Variants in ELP1 observed in about 807,000 individuals in gnomAD.
ELP1 encodes elongator complex protein 1.
A neutral mutation model predicts 183.2 loss-of-function variants in ELP1; 131 were observed. The observed-to-expected ratio is 0.72, with a 90% CI of 0.62 to 0.83. The LOEUF (loss-of-function observed/expected upper bound fraction) is 0.83. ELP1 is among the 40% of genes least tolerant of loss of function. The probability of loss-of-function intolerance (pLI) is 0.00; values close to 1 mark genes in which losing one functional copy is unlikely to be tolerated. For missense variants in ELP1, 1,550 were observed against 1,594.9 expected, an observed-to-expected ratio of 0.97 and a Z score of 0.48; for synonymous variants, 555 against 569.0, an observed-to-expected ratio of 0.98 and a Z score of 0.35.
intron 10 of ELP1, among the ~76,000 whole-genome samples, chr9:108,915,571 C>T (rs1247980872): frequency 1.3e-5 from 2 of 152,176 alleles, no homozygotes; most frequent in East Asian, 1.9e-4. Flanking sequence ...GCCTGCCAAC[C>T]TGCCCCCACA....
Position 108,917,535 on chromosome 9 carries a change from T to G in ELP1, c.864+12A>C, listed in dbSNP as rs1438054989. 6.2e-7 allele frequency: 1 copy of G among 1,611,576 alleles called. No individual in the cohort carries two copies. Among genetic ancestry groups the G allele is most frequent in the Non-Finnish European group, 8.5e-7 (1 of 1,178,462 alleles). On this transcript the variant is annotated intron_variant, in intron 9 of 36. Coordinates refer to ENST00000374647, the MANE Select transcript of ELP1 (RefSeq NM_003640.5). ...CTCTACATTCGAGGGTGAAACAAAC[T>G]CAGGCACTTACCTTAACCTCATCTT...
intron 5 of ELP1, among the ~76,000 whole-genome samples, chr9:108,925,380 CA>C: frequency 6.6e-6 from 1 of 152,202 alleles, no homozygotes; most frequent in East Asian, 1.9e-4. Flanking sequence ...GAGTAACCCA[CA>C]ATGTTTCTAT....
intron 29 of ELP1, among the ~76,000 whole-genome samples, chr9:108,884,354 G>A (rs963526685): frequency 6.6e-6 from 1 of 152,018 alleles, no homozygotes; most frequent in African/African-American, 2.4e-5. Context: ...CAAGTAGTGA[G>A]GAAATCAATA....
At chr9:108,886,397 C>T (rs187239441) in intron 29 of ELP1, among the ~76,000 whole-genome samples, 153 of 152,268 alleles carry the variant, frequency 1.0e-3, no homozygotes, top group African/African-American at 3.3e-3. Flanking sequence ...CAATATCCCT[C>T]ATGAACACAA....
At chr9:108,872,798 C>CT (rs1169415021) in intron 36 of ELP1, among the ~76,000 whole-genome samples, 1 of 79,246 alleles carries the variant, frequency 1.3e-5, no homozygotes, top group African/African-American at 7.8e-5. Flanking sequence ...GAGCAAGACT[C>CT]TGTCTGAAAA....
chr9:108,880,722 C>T (rs990077009), intron 31 of ELP1, among the ~76,000 whole-genome samples: 1 of 152,128 alleles, frequency 6.6e-6, no homozygotes, highest in Non-Finnish European at 1.5e-5. Flanking sequence ...GAATTATCGG[C>T]ATTTATCTAA....
At chr9:108,900,908 G>A (rs1258069366) in intron 18 of ELP1, among the ~76,000 whole-genome samples, 6 of 45,306 alleles carry the variant, frequency 1.3e-4, no homozygotes, top group African/African-American at 4.0e-4. Context: ...ACACATACAC[G>A]CCACACACAC....
At chr9:108,922,028 C>T (rs1474224116) in intron 6 of ELP1, among the ~76,000 whole-genome samples, 3 of 152,132 alleles carry the variant, frequency 2.0e-5, no homozygotes, top group Non-Finnish European at 4.4e-5. Flanking sequence ...GCCAAGGTCT[C>T]ATAGCTTCTA....
intron 3 of ELP1, 51 bp downstream of exon 3, chr9:108,929,718 A>C: frequency 6.4e-7 from 1 of 1,571,572 alleles, no homozygotes; most frequent in Non-Finnish European, 8.8e-7. Context: ...ATAGCAAGTA[A>C]CCTATTTGAG....
chr9:108,898,619 T>C (rs368227902), intron 21 of ELP1, 38 bp from the exon 22 acceptor site: 3 of 1,600,710 alleles, frequency 1.9e-6, no homozygotes, highest in African/African-American at 2.7e-5. Context: ...GTTCAGATCA[T>C]ATTAGTTTAA....
intron 22 of ELP1, 126 bp from the exon 23 acceptor site, chr9:108,897,411 A>T (rs547804905): frequency 1.0e-6 from 1 of 975,988 alleles, no homozygotes; most frequent in African/African-American, 1.6e-5. Flanking sequence ...GTTGAATTAT[A>T]AAAATATTGA....
chr9:108,887,710 T>C (rs528975922), intron 29 of ELP1, among the ~76,000 whole-genome samples: 2 of 152,156 alleles, frequency 1.3e-5, no homozygotes, highest in South Asian at 2.1e-4. Flanking sequence ...ATTGAAAAAG[T>C]GGGATAATAG....
At chr9:108,873,842 A>G (rs1027799032) in intron 36 of ELP1, among the ~76,000 whole-genome samples, 3 of 152,292 alleles carry the variant, frequency 2.0e-5, no homozygotes, top group Non-Finnish European at 4.4e-5. Context: ...GCAACATATT[A>G]AGACCCCATC....
chr9:108,874,898 G>A lies in ELP1; in HGVS notation c.3928C>T (p.Leu1310Phe). Residue 1310 changes from leucine (L) to phenylalanine (F), a missense_variant, in exon 36 of 37, where the codon CTT becomes TTT. Coordinates refer to ENST00000374647, the MANE Select transcript of ELP1 (RefSeq NM_003640.5). ...YQQQKTSVPV[L>F]DAELFIPPKI... The stretch of plus-strand genomic sequence containing the variant: ...TTAAATGAGAAAAAATACTAACCAA[G>A]AACAGGAACCGAAGTCTTCTGTTGC... 1 of 1,602,070 alleles carries A rather than the reference G, an allele frequency of 6.2e-7. No homozygotes were observed. The highest frequency in any genetic ancestry group is 1.7e-5 in the Admixed American group (1 of 60,006).
At chr9:108,901,710 G>C (rs1180347443) in intron 16 of ELP1, 29 bp from the exon 17 acceptor site, 1 of 1,607,386 alleles carries the variant, frequency 6.2e-7, no homozygotes, top group Admixed American at 1.7e-5. Context: ...GAAATCACAA[G>C]CAATTCTATC....
intron 10 of ELP1, among the ~76,000 whole-genome samples, chr9:108,913,718 G>A (rs1386461085): frequency 1.3e-5 from 2 of 151,992 alleles, no homozygotes; most frequent in Non-Finnish European, 2.9e-5. Context: ...CTCAATCTCG[G>A]CTCACGGCAA....
rs1827644596 is a variant in ELP1, at chr9:108,874,932, T to C, written c.3894A>G (p.Ala1298=). The change falls in exon 36 of 37, where the codon GCA becomes GCG. Residue 1298 remains alanine (A), a synonymous_variant. Coordinates refer to ENST00000374647, the MANE Select transcript of ELP1 (RefSeq NM_003640.5). ...GPNSTANSIM[A]SYQQQKTSVP... is the part of the protein sequence containing the mutation. ...CCGAAGTCTTCTGTTGCTGATAAGA[T>C]GCCATGATACTATTTGCAGTAGAAT... The C allele has an allele frequency of 2.5e-6, 4 of 1,612,986 alleles. No individual in the cohort carries two copies. In the Middle Eastern group the frequency reaches 4.9e-4, roughly 200 times the overall value.
chr9:108,870,328 T>C (rs947199143), intron 36 of ELP1, among the ~76,000 whole-genome samples: 7 of 152,220 alleles, frequency 4.6e-5, no homozygotes, highest in Admixed American at 1.3e-4. Context: ...CGGCAGTGTA[T>C]TGGCAGCATA....
rs775117814 is a variant in ELP1 at position 108,892,967 on chromosome 9, A to C, written c.2958+19T>G. 6.3e-7 allele frequency: 1 copy of C among 1,584,778 alleles called. No homozygotes were observed. The highest frequency in any genetic ancestry group is 1.1e-5 in the South Asian group (1 of 90,462). On this transcript the variant is annotated intron_variant, in intron 27 of 36. Coordinates refer to ENST00000374647, the MANE Select transcript of ELP1 (RefSeq NM_003640.5). ...CAAAAAGCAAAACCAGGAGAGCCTC[A>C]TTTTCACATACCACATACCTGGTAC...
Sources: gnomAD v4.1 joint callset for allele counts (sites outside exome capture counted in the v4.1 genomes callset) on GRCh38, gnomAD v4.1.1 for gene constraint, MANE v1.5 for transcripts, NCBI Gene and HGNC (gene_info 2026-07-23, HGNC 2026-07-21) for gene names.